The following TJP1 variants were observed in gnomAD, a reference collection of about 807,000 sequenced individuals.
TJP1 encodes tight junction protein 1, also known as tight junction protein ZO-1.
A neutral mutation model predicts 194.2 loss-of-function variants in TJP1; 43 were observed. That is an observed-to-expected ratio of 0.22 (90% CI 0.17 to 0.29). The LOEUF is 0.29. Among genes scored for constraint, TJP1 ranks in the 10% least tolerant of loss-of-function variants. The pLI is 1.00. For synonymous variants in TJP1, 801 were observed against 779.0 expected, an observed-to-expected ratio of 1.03 and a Z score of -0.47; for missense variants, 1,971 against 2,185.7, an observed-to-expected ratio of 0.90 and a Z score of 1.96.
chr15:29,839,067 C>T (rs536956151), intron 2 of TJP1, among the ~76,000 whole-genome samples: 16 of 129,766 alleles, frequency 1.2e-4, no homozygotes, highest in African/African-American at 4.7e-4. Flanking sequence ...GGTGCCATCT[C>T]GGCTCACTGC....
chr15:29,840,981 CTG>C (rs997419898), intron 2 of TJP1, among the ~76,000 whole-genome samples: 4 of 152,138 alleles, frequency 2.6e-5, no homozygotes, highest in Non-Finnish European at 5.9e-5. Context: ...AAATTGCAAA[CTG>C]TGAACCAGAG....
intron 2 of TJP1, among the ~76,000 whole-genome samples, chr15:29,862,936 C>T (rs1164421009): frequency 1.3e-5 from 2 of 151,512 alleles, no homozygotes; most frequent in African/African-American, 4.8e-5. Flanking sequence ...GCGTGAGCCA[C>T]CGTGCCCAGC....
intron 2 of TJP1, among the ~76,000 whole-genome samples, chr15:29,780,935 A>G (rs1270316322): frequency 6.6e-6 from 1 of 152,156 alleles, no homozygotes; most frequent in Admixed American, 6.5e-5. Context: ...AACAAAAAGA[A>G]CTATAGGAAC....
intron 1 of TJP1, among the ~76,000 whole-genome samples, chr15:29,956,922 C>T (rs1428022792): frequency 1.3e-5 from 2 of 152,016 alleles, no homozygotes; most frequent in African/African-American, 4.8e-5. Flanking sequence ...CATTAAATAT[C>T]AATTCTACAA....
chr15:29,924,564 CT>C (rs2054467477), intron 2 of TJP1, among the ~76,000 whole-genome samples: 1 of 152,064 alleles, frequency 6.6e-6, no homozygotes, highest in Non-Finnish European at 1.5e-5. Flanking sequence ...AATGTGATCC[CT>C]TTTATGTATA....
chr15:29,853,917 C>A (rs2051742723), intron 2 of TJP1, among the ~76,000 whole-genome samples: 1 of 152,046 alleles, frequency 6.6e-6, no homozygotes, highest in African/African-American at 2.4e-5. Flanking sequence ...GAGAACATAT[C>A]CAGGAGCAAC....
intron 2 of TJP1, among the ~76,000 whole-genome samples, chr15:29,938,261 G>C (rs1487811997): frequency 6.6e-6 from 1 of 151,902 alleles, no homozygotes; most frequent in East Asian, 1.9e-4. Context: ...TAGAGCAAAA[G>C]GAAAAAGATA....
At chr15:29,845,870 C>G (rs928661191) in intron 2 of TJP1, among the ~76,000 whole-genome samples, 1 of 152,146 alleles carries the variant, frequency 6.6e-6, no homozygotes, top group Non-Finnish European at 1.5e-5. Context: ...TATTCTATTA[C>G]AAGGCAGCAG....
chr15:29,949,561 CTCCACT>C (rs1364942084), intron 2 of TJP1, among the ~76,000 whole-genome samples: 3 of 134,944 alleles, frequency 2.2e-5, no homozygotes, highest in Non-Finnish European at 3.3e-5. Context: ...CAACCACCAC[CTCCACT>C]TCCACAACCA....
At chr15:29,943,692 TA>T (rs1197720768) in intron 2 of TJP1, among the ~76,000 whole-genome samples, 1 of 147,918 alleles carries the variant, frequency 6.8e-6, no homozygotes, top group African/African-American at 2.5e-5. Flanking sequence ...CTTATGCCTG[TA>T]ATCCTAGCAC....
chr15:29,967,987 C>A (rs67030144), intron 1 of TJP1: 108,469 of 905,964 alleles, frequency 0.12, 6,898 homozygotes, highest in South Asian at 0.23. Context: ...TGGGATTCCG[C>A]ATGGATTACG....
At position 29,947,865 on chromosome 15, in the gene TJP1, G is replaced by A. The variant is rs796291368; in HGVS notation, c.306+8367C>T. Among the ~76,000 whole-genome samples, 64 of 152,264 alleles carry A rather than the reference G, an allele frequency of 4.2e-4. 1 individual carries two copies. Among genetic ancestry groups the A allele is most frequent in the African/African-American group, 1.3e-3 (55 of 41,558 alleles). ...AAACGAGGGCAGCCTGGAACAGTGC[G>A]GAAGGCTGGTCTCTGGGAACATCAC... is the stretch of plus-strand genomic sequence containing the variant. On this transcript the variant is annotated intron_variant, in intron 2 of 28. Coordinates refer to the TJP1 transcript ENST00000356107.
At position 29,761,196 on chromosome 15, in the gene TJP1, T is replaced by G; in HGVS notation, c.953A>C (p.Gln318Pro). 1 of 1,614,080 alleles carries G rather than the reference T, an allele frequency of 6.2e-7. No homozygotes were observed. Among genetic ancestry groups the G allele is most frequent in the Non-Finnish European group, 8.5e-7 (1 of 1,179,972 alleles). ...GGAATGATCAGAAGGCTCTGACCGCTGGTCAGGAGATCGTGACCGGCTGCG... is the reference window on the plus strand; with the variant it reads ...GGAATGATCAGAAGGCTCTGACCGCGGGTCAGGAGATCGTGACCGGCTGCG... ...PRRSRSRSPD[Q>P]RSEPSDHSRH... The change falls in exon 8 of 28, where the codon CAG (glutamine) becomes CCG (proline). Residue 318 changes from glutamine to proline, a missense_variant. By Grantham distance (76) the Gln-to-Pro change is moderately conservative. This residue lies in a region of TJP1 where 192 missense variants were observed against 182.3 expected (regional missense o/e 1.05). Coordinates refer to ENST00000614355, the MANE Select transcript of TJP1 (RefSeq NM_001330239.4).
In TJP1 at chr15:29,801,180, G is replaced by A. The variant is rs191285456; in HGVS notation, c.28-478C>T. Among the ~76,000 whole-genome samples the A allele has an allele frequency of 2.0e-4, 30 of 152,204 alleles. No homozygotes were observed. In the East Asian group the frequency reaches 4.1e-3, roughly 21 times the overall value. On this transcript the variant is annotated intron_variant, in intron 1 of 27. Coordinates refer to ENST00000614355, the MANE Select transcript of TJP1 (RefSeq NM_001330239.4). ...AGGTTTGGCAAATGGCTGCTTTAAC[G>A]TCACAAACATGACTACTCTACCTAG...
chr15:29,788,660 C>T (rs1350056581), intron 2 of TJP1, among the ~76,000 whole-genome samples: 1 of 152,168 alleles, frequency 6.6e-6, no homozygotes, highest in Non-Finnish European at 1.5e-5. Flanking sequence ...CTTAAAATTA[C>T]CTGACTAGTT....
intron 2 of TJP1, among the ~76,000 whole-genome samples, chr15:29,926,038 A>G (rs2054513892): frequency 6.6e-6 from 1 of 152,168 alleles, no homozygotes; most frequent in African/African-American, 2.4e-5. Flanking sequence ...CAGCTAGTGC[A>G]GCAGTTAGCT....
chr15:29,803,308 C>T (rs1377980077), intron 1 of TJP1, among the ~76,000 whole-genome samples: 4 of 152,102 alleles, frequency 2.6e-5, no homozygotes, highest in South Asian at 4.1e-4. Context: ...TCTGACTTTA[C>T]GATGGTACCC....
At chr15:29,887,370 G>A (rs1056194527) in intron 2 of TJP1, among the ~76,000 whole-genome samples, 6 of 151,050 alleles carry the variant, frequency 4.0e-5, no homozygotes, top group South Asian at 2.1e-4. Flanking sequence ...GCGCAATCTC[G>A]GCTCACTGCA....
At chr15:29,812,815 G>A (rs889547247) in intron 1 of TJP1, among the ~76,000 whole-genome samples, 2 of 152,154 alleles carry the variant, frequency 1.3e-5, no homozygotes, top group Non-Finnish European at 2.9e-5. Flanking sequence ...CTGTCACAGA[G>A]TCAGCATGCA....
Sources: allele counts gnomAD v4.1 joint callset (sites outside exome capture counted in the v4.1 genomes callset), GRCh38; gene constraint gnomAD v4.1.1; regional missense constraint gnomAD v4.1.1; transcripts MANE v1.5; gene names NCBI Gene and HGNC (gene_info 2026-07-23, HGNC 2026-07-21).